The following PARVG variants were observed in gnomAD, a reference collection of about 807,000 sequenced individuals.
The protein encoded by PARVG is parvin gamma.
Under a neutral mutation model 44.4 loss-of-function variants are expected in PARVG, and 36 were observed. The ratio of observed to expected loss-of-function variants is 0.81; its 90% CI spans 0.62 to 1.07. The LOEUF is 1.07. Among genes scored for constraint, PARVG ranks in the 50% least tolerant of loss-of-function variants. The probability of loss-of-function intolerance (pLI) is 0.00; values close to 1 mark genes in which losing one functional copy is unlikely to be tolerated. For missense variants in PARVG, 407 were observed against 407.4 expected (o/e 1.00, Z 0.01); for synonymous variants, 170 against 174.1 (o/e 0.98, Z 0.19).
intron 12 of PARVG, among the ~76,000 whole-genome samples, chr22:44,198,925 C>CCCATCCATCCATCCATCCATCCATCCAT (rs1377821104): frequency 8.6e-5 from 4 of 46,312 alleles, no homozygotes; most frequent in Non-Finnish European, 1.1e-4. Flanking sequence ...CATCCATCTA[C>CCCATCCATCCATCCATCCATCCATCCAT]CCATCCATCC....
In PARVG at chr22:44,174,843, C is replaced by T. The variant is rs561598198; in HGVS notation, c.-189+1652C>T. Reference sequence around the variant, plus strand: ...CTTGTTCTCAAATATAACTGCCGTCCGGGCACAGTGGCTTATGCCTGTCAT... The same window carrying T: ...CTTGTTCTCAAATATAACTGCCGTCTGGGCACAGTGGCTTATGCCTGTCAT... On this transcript the variant is annotated intron_variant, in intron 1 of 13. Transcript: ENST00000422871. Among the ~76,000 whole-genome samples, 587 of 151,512 alleles carry T rather than the reference C, an allele frequency of 3.9e-3. 3 individuals are homozygous for T. Among genetic ancestry groups the T allele is most frequent in the Non-Finnish European group, 6.7e-3 (456 of 67,858 alleles).
At chr22:44,205,004 G>A (rs2054760579) in intron 12 of PARVG, among the ~76,000 whole-genome samples, 1 of 152,202 alleles carries the variant, frequency 6.6e-6, no homozygotes, top group Non-Finnish European at 1.5e-5. Context: ...ACTGTGGTGA[G>A]CCCACTTTGC....
chr22:44,196,196 G>A lies in PARVG; in HGVS notation c.625G>A (p.Val209Met), dbSNP rs372422010. ...ATTATTTAAGCTGGCTCCGGAGAAA[G>A]TGAACGCAGTGAAAGAGGTAGGAGA... is the stretch of plus-strand genomic sequence containing the variant. ...DELFKLAPEK[V>M]NAVKEAIVNF... is the part of the protein sequence containing the mutation. The change falls in exon 10 of 14, where the codon GTG becomes ATG. Residue 209 changes from valine (V) to methionine (M), a missense_variant. Coordinates refer to ENST00000444313, the MANE Select transcript of PARVG (RefSeq NM_022141.7). 18 of 1,614,212 alleles carry A rather than the reference G, an allele frequency of 1.1e-5. No homozygotes were observed. Among genetic ancestry groups the A allele is most frequent in the African/African-American group, 8.0e-5 (6 of 75,072 alleles).
intron 4 of PARVG, chr22:44,186,111 A>C: frequency 2.7e-6 from 1 of 365,368 alleles, no homozygotes; most frequent in Non-Finnish European, 5.3e-6. Context: ...CAGCAACCCC[A>C]TGGGATTTGA....
At chr22:44,199,565 C>T (rs1011494849) in intron 12 of PARVG, among the ~76,000 whole-genome samples, 1 of 152,174 alleles carries the variant, frequency 6.6e-6, no homozygotes, top group African/African-American at 2.4e-5. Flanking sequence ...CAGTCTGTGC[C>T]CACTGTTCTC....
intron 12 of PARVG, among the ~76,000 whole-genome samples, chr22:44,199,584 G>A (rs190518285): frequency 2.0e-5 from 3 of 152,320 alleles, no homozygotes; most frequent in East Asian, 3.9e-4. Context: ...TCCTAGTGAC[G>A]TGTGGTCTTG....
chr22:44,173,277 A>G (rs1026727572), intron 1 of PARVG: 27 of 1,102,608 alleles, frequency 2.4e-5, no homozygotes, highest in Non-Finnish European at 3.1e-5. Flanking sequence ...AGGCTGCATG[A>G]CACATGGAGG....
intron 9 of PARVG, among the ~76,000 whole-genome samples, chr22:44,195,257 A>T: frequency 6.6e-6 from 1 of 152,132 alleles, no homozygotes; most frequent in Non-Finnish European, 1.5e-5. Flanking sequence ...TGGGTGTCAG[A>T]GGGTGAAGAA....
At chr22:44,191,371 C>T (rs1163017960) in intron 7 of PARVG, among the ~76,000 whole-genome samples, 1 of 149,486 alleles carries the variant, frequency 6.7e-6, no homozygotes, top group African/African-American at 2.5e-5. Context: ...TGGCCACACC[C>T]AGTCAGAGTC....
intron 11 of PARVG, 63 bp downstream of exon 11, chr22:44,196,478 G>C: frequency 6.3e-7 from 1 of 1,583,382 alleles, no homozygotes; most frequent in Non-Finnish European, 8.6e-7. Context: ...AAGGAAAGAG[G>C]GTTCTGCAGG....
Position 44,207,381 on chromosome 22 carries a change from G to A in PARVG, c.*955G>A. On this transcript the variant is annotated 3_prime_UTR_variant, in exon 14 of 14. Transcript: ENST00000444313. ...TGAGGCTAGTGGGCGGGTGAGGCTGGCGGGGAGGGGAGGGTTTGTGGGGAC... is the reference window on the plus strand; with the variant it reads ...TGAGGCTAGTGGGCGGGTGAGGCTGACGGGGAGGGGAGGGTTTGTGGGGAC... The A allele has an allele frequency of 1.1e-5, 1 of 91,246 alleles. No individual in the cohort carries two copies. The allele number at this position is 91,246 out of a possible 1,614,324, so 5.7% of individuals were successfully genotyped here.
chr22:44,173,217 CT>C (rs2054286696), intron 1 of PARVG: 1 of 1,226,086 alleles, frequency 8.2e-7, no homozygotes, highest in Non-Finnish European at 1.0e-6. Context: ...TCATCTGCCC[CT>C]CTGCCTGGGT....
chr22:44,196,471 GA>G, intron 11 of PARVG, 56 bp downstream of exon 11: 1 of 1,598,070 alleles, frequency 6.3e-7, no homozygotes. Context: ...CCGTAGGAAG[GA>G]AAGAGGGTTC....
intron 6 of PARVG, 143 bp downstream of exon 6, chr22:44,189,397 C>G (rs764375856): frequency 1.5e-6 from 2 of 1,290,810 alleles, no homozygotes; most frequent in Non-Finnish European, 2.1e-6. Context: ...GAGGTAGAAG[C>G]CTCAGGCAGC....
At chr22:44,188,369 C>T in intron 5 of PARVG, 1 of 183,226 alleles carries the variant, frequency 5.5e-6, no homozygotes, top group Non-Finnish European at 1.2e-5. Context: ...GGCAAGTGTT[C>T]CCCACAAGCC....
rs1053452044 is a variant in PARVG, at chr22:44,206,830, C to G, written c.*404C>G. ...AGGGACAGGGCCCACAGCCCCAGAC[C>G]CCACCTTTTCCAGCCCAGCTCCCCA... is the stretch of plus-strand genomic sequence containing the variant. On this transcript the variant is annotated 3_prime_UTR_variant, in exon 14 of 14. Transcript: ENST00000444313. The G allele has an allele frequency of 6.3e-5, 13 of 206,316 alleles. No individual in the cohort carries two copies. In the Admixed American group the frequency reaches 6.6e-4, roughly 11 times the overall value. The allele number at this position is 206,316 out of a possible 1,614,324, so 12.8% of individuals were successfully genotyped here.
intron 9 of PARVG, among the ~76,000 whole-genome samples, chr22:44,194,500 C>T (rs1462802381): frequency 6.6e-6 from 1 of 152,048 alleles, no homozygotes; most frequent in African/African-American, 2.4e-5. Flanking sequence ...CCTATCCATC[C>T]ATCCATTCAT....
At chr22:44,202,037 C>A (rs571184070) in intron 12 of PARVG, among the ~76,000 whole-genome samples, 1 of 152,246 alleles carries the variant, frequency 6.6e-6, no homozygotes, top group Non-Finnish European at 1.5e-5. Context: ...ATGGTGGGAT[C>A]TCCCACGGGC....
chr22:44,185,708 C>T, intron 3 of PARVG, 100 bp from the exon 4 acceptor site: 4 of 1,016,288 alleles, frequency 3.9e-6, no homozygotes, highest in Middle Eastern at 2.1e-4. Context: ...GACCGGTGCC[C>T]CTGGGTCTGC....
Sources: allele counts gnomAD v4.1 joint callset (sites outside exome capture counted in the v4.1 genomes callset), GRCh38; gene constraint gnomAD v4.1.1; transcripts MANE v1.5; gene names NCBI Gene and HGNC (gene_info 2026-07-23, HGNC 2026-07-21).